The following EXO1 variants were observed in gnomAD, a reference collection of about 807,000 sequenced individuals.
EXO1 encodes the protein exonuclease 1.
A neutral mutation model predicts 84.5 loss-of-function variants in EXO1; 69 were observed. The ratio of observed to expected loss-of-function variants is 0.82; its 90% CI spans 0.67 to 1.00. EXO1 has a LOEUF of 1.00. Ranked by LOEUF, EXO1 falls within the 50% of genes least tolerant of loss-of-function variation. The probability of loss-of-function intolerance (pLI) is 0.00; values close to 1 mark genes in which losing one functional copy is unlikely to be tolerated. For synonymous variants in EXO1, 373 were observed against 366.1 expected, an observed-to-expected ratio of 1.02 and a Z score of -0.21; for missense variants, 1,045 against 1,000.7, an observed-to-expected ratio of 1.04 and a Z score of -0.60.
chr1:241,887,531 A>G (rs1663134341), intron 15 of EXO1, among the ~76,000 whole-genome samples: 1 of 152,222 alleles, frequency 6.6e-6, no homozygotes, highest in Non-Finnish European at 1.5e-5. Context: ...ACGTTTTCCA[A>G]AATTTTAATT....
intron 6 of EXO1, among the ~76,000 whole-genome samples, chr1:241,855,931 CG>C (rs1661001437): frequency 6.6e-6 from 1 of 152,166 alleles, no homozygotes; most frequent in Non-Finnish European, 1.5e-5. Flanking sequence ...AAGCACCGCG[CG>C]CAGCCCCAGT....
chr1:241,862,781 A>G (rs902101975), intron 10 of EXO1, among the ~76,000 whole-genome samples: 22 of 152,194 alleles, frequency 1.4e-4, no homozygotes, highest in African/African-American at 5.3e-4. Flanking sequence ...TTTCGTTGCT[A>G]CATCCTCTTG....
chr1:241,857,206 C>G, intron 6 of EXO1, 139 bp from the exon 7 acceptor site: 2 of 788,506 alleles, frequency 2.5e-6, no homozygotes, highest in Non-Finnish European at 4.3e-6. Flanking sequence ...TAGAAAAACT[C>G]TACTTCAAAG....
intron 15 of EXO1, among the ~76,000 whole-genome samples, chr1:241,887,680 C>G (rs374832950): frequency 6.6e-6 from 1 of 151,966 alleles, no homozygotes; most frequent in Admixed American, 6.6e-5. Context: ...TCTTTGTCAC[C>G]CAGGCTGGAG....
chr1:241,865,099 G>A (rs1449700492), intron 10 of EXO1, among the ~76,000 whole-genome samples: 2 of 150,724 alleles, frequency 1.3e-5, no homozygotes, highest in African/African-American at 4.9e-5. Context: ...TGAACTCCTG[G>A]CCTGAAGCAG....
chr1:241,889,677 A>G lies in EXO1; in HGVS notation c.*77A>G. On this transcript the variant is annotated 3_prime_UTR_variant, in exon 16 of 16. Transcript: ENST00000366548. ...GTCCCTGTTTGGGAATGAGGCACTTATCAGCATGAAGAATTTTTTCTCATT... is the reference window on the plus strand; with the variant it reads ...GTCCCTGTTTGGGAATGAGGCACTTGTCAGCATGAAGAATTTTTTCTCATT... 1 of 1,392,640 alleles carries G rather than the reference A, an allele frequency of 7.2e-7. No individual in the cohort carries two copies. Among genetic ancestry groups the G allele is most frequent in the Non-Finnish European group, 1.0e-6 (1 of 979,958 alleles). 86.3% of individuals were successfully genotyped at this position (1,392,640 alleles called of 1,614,324 possible).
At chr1:241,875,659 A>G (rs373047674) in intron 12 of EXO1, among the ~76,000 whole-genome samples, 23 of 152,240 alleles carry the variant, frequency 1.5e-4, no homozygotes, top group Middle Eastern at 6.8e-3. Flanking sequence ...CGGTCGGATC[A>G]TGAGGTCAGG....
rs541298102 is a variant in EXO1 at position 241,861,566 on chromosome 1, G to A, written c.1041+64G>A. 24 of 886,080 alleles carry A rather than the reference G, an allele frequency of 2.7e-5. No homozygotes were observed. In the South Asian group the frequency reaches 3.0e-4, roughly 11 times the overall value. 54.9% of individuals were successfully genotyped at this position (886,080 alleles called of 1,614,324 possible). On this transcript the variant is annotated intron_variant, in intron 10 of 15. Transcript: ENST00000366548. ...GTTATGTCCCGAGCTGTGATTAAAG[G>A]CAAATCTTCATACACTAAGCTTCTT...
chr1:241,861,952 T>A (rs1661422302), intron 10 of EXO1, among the ~76,000 whole-genome samples: 1 of 152,206 alleles, frequency 6.6e-6, no homozygotes, highest in African/African-American at 2.4e-5. Context: ...TATTTTTCTT[T>A]TTTGAGACAG....
rs1161302060 is a variant in EXO1, at chr1:241,856,639, A to G, written c.406-706A>G. 4.6e-5 allele frequency among the ~76,000 whole-genome samples: 7 copies of G among 152,182 alleles called. No individual in the cohort carries two copies. The South Asian group carries it at 6.2e-4, about 14-fold the overall frequency. On this transcript the variant is annotated intron_variant, in intron 6 of 15. Coordinates refer to ENST00000366548, the MANE Select transcript of EXO1 (RefSeq NM_130398.4). ...ACATTGACTTTCGTAGCTTGACAGG[A>G]CAACCTGTTATTTTTATGGGGAAGA...
chr1:241,862,475 T>C (rs1661456342), intron 10 of EXO1, among the ~76,000 whole-genome samples: 1 of 151,492 alleles, frequency 6.6e-6, no homozygotes. Context: ...GTCTCTTGCG[T>C]CTCTGATTTC....
intron 7 of EXO1, 140 bp downstream of exon 7, chr1:241,857,622 G>A (rs945896332): frequency 5.5e-5 from 15 of 271,488 alleles, no homozygotes; most frequent in African/African-American, 3.2e-4. Context: ...ATATTACAAG[G>A]TAAATTATTG....
At chr1:241,870,521 G>A (rs376979798) in intron 11 of EXO1, among the ~76,000 whole-genome samples, 316 of 152,308 alleles carry the variant, frequency 2.1e-3, no homozygotes, top group African/African-American at 7.3e-3. Flanking sequence ...TTGTGGCACT[G>A]TTTCAGTCCT....
chr1:241,866,716 G>A (rs1489894819), intron 10 of EXO1, 114 bp from the exon 11 acceptor site: 7 of 793,006 alleles, frequency 8.8e-6, no homozygotes, highest in Non-Finnish European at 1.5e-5. Flanking sequence ...TTCATCAACA[G>A]CTATTGTTTT....
At chr1:241,861,544 A>G in intron 10 of EXO1, 42 bp downstream of exon 10, 1 of 1,051,924 alleles carries the variant, frequency 9.5e-7, no homozygotes, top group Admixed American at 1.7e-5. Flanking sequence ...CGTTTTAGTT[A>G]TGTCCCGAGC....
chr1:241,864,113 AT>A (rs757152890), intron 10 of EXO1, among the ~76,000 whole-genome samples: 2 of 152,060 alleles, frequency 1.3e-5, no homozygotes, highest in Non-Finnish European at 2.9e-5. Flanking sequence ...GGCCAGTCAT[AT>A]TTGAAGGGGC....
At chr1:241,873,862 G>C (rs554004725) in intron 12 of EXO1, among the ~76,000 whole-genome samples, 1 of 152,124 alleles carries the variant, frequency 6.6e-6, no homozygotes, top group African/African-American at 2.4e-5. Context: ...AGGTGAAGCA[G>C]GCAAAGACCG....
Position 241,881,906 on chromosome 1 carries a change from G to A in EXO1, c.2110-10G>A, listed in dbSNP as rs370204917. ...TAATTTTATTTTATTTTTTGATCTG[G>A]GGACTCTAGGAATCTGATTGCAATA... On this transcript the variant is annotated splice_polypyrimidine_tract_variant and intron_variant, in intron 13 of 15. Transcript: ENST00000366548. 2.4e-5 allele frequency: 32 copies of A among 1,353,936 alleles called. No homozygotes were observed. Among genetic ancestry groups the A allele is most frequent in the Non-Finnish European group, 3.4e-5 (32 of 950,714 alleles). The allele number at this position is 1,353,936 out of a possible 1,614,324, so 83.9% of individuals were successfully genotyped here. A position where few individuals can be genotyped will look rare whatever the true frequency, so the allele number is the denominator to read the frequency against.
At chr1:241,865,378 A>AT (rs1157323075) in intron 10 of EXO1, among the ~76,000 whole-genome samples, 3 of 151,802 alleles carry the variant, frequency 2.0e-5, no homozygotes, top group African/African-American at 7.3e-5. Context: ...CGCCCGGCTG[A>AT]TTTTTGTATT....
Sources: allele counts gnomAD v4.1 joint callset (sites outside exome capture counted in the v4.1 genomes callset), GRCh38; gene constraint gnomAD v4.1.1; transcripts MANE v1.5; gene names NCBI Gene and HGNC (gene_info 2026-07-23, HGNC 2026-07-21).